ZC3HAV1: variants seen among roughly 807,000 people sequenced by gnomAD.
ZC3HAV1 encodes zinc finger CCCH-type containing, antiviral 1.
Under a neutral mutation model 86.6 loss-of-function variants are expected in ZC3HAV1, and 41 were observed. That is an observed-to-expected ratio of 0.47 (90% CI 0.37 to 0.61). The LOEUF (loss-of-function observed/expected upper bound fraction) is 0.61. ZC3HAV1 is among the 20% of genes least tolerant of loss of function. ZC3HAV1 has a pLI of 0.00. For synonymous variants in ZC3HAV1, 421 were observed against 432.1 expected (o/e 0.97, Z 0.32); for missense variants, 964 against 1,141.1 (o/e 0.84, Z 2.24).
At position 139,047,387 on chromosome 7, in the gene ZC3HAV1, C is replaced by T; in HGVS notation, c.*207G>A. On this transcript the variant is annotated 3_prime_UTR_variant, in exon 13 of 13. Coordinates refer to ENST00000242351, the MANE Select transcript of ZC3HAV1 (RefSeq NM_020119.4). Reference sequence around the variant, plus strand: ...TGGCGCTGACGCCCAGAAATGATTTCATTGGCATGGGGTGCAACCTGGGCA... The same window carrying T: ...TGGCGCTGACGCCCAGAAATGATTTTATTGGCATGGGGTGCAACCTGGGCA... The T allele has an allele frequency of 1.9e-6, 1 of 532,314 alleles. No individual in the cohort carries two copies. Among genetic ancestry groups the T allele is most frequent in the Non-Finnish European group, 3.2e-6 (1 of 313,208 alleles). 33.0% of individuals were successfully genotyped at this position (532,314 alleles called of 1,614,324 possible).
chr7:139,079,596 T>C lies in ZC3HAV1; in HGVS notation c.1345A>G (p.Ser449Gly), dbSNP rs1817064404. 1 of 1,614,078 alleles carries C rather than the reference T, an allele frequency of 6.2e-7. No homozygotes were observed. Among genetic ancestry groups the C allele is most frequent in the Non-Finnish European group, 8.5e-7 (1 of 1,180,054 alleles). ...ATTTCTCTGTGACCGCTGCTAGTGCTTTTGTAATTTAAGGATCTGGTAGAA... is the reference window on the plus strand; with the variant it reads ...ATTTCTCTGTGACCGCTGCTAGTGCCTTTGTAATTTAAGGATCTGGTAGAA... ...ITSTRSLNYK[S>G]TSSGHREISS... is the part of the protein sequence containing the mutation. Residue 449 changes from serine (S) to glycine (G), a missense_variant, in exon 4 of 13, where the codon AGC (serine) becomes GGC (glycine). Coordinates refer to ENST00000242351, the MANE Select transcript of ZC3HAV1 (RefSeq NM_020119.4).
intron 12 of ZC3HAV1, among the ~76,000 whole-genome samples, chr7:139,052,331 C>T (rs1012568153): frequency 8.3e-5 from 11 of 132,382 alleles, no homozygotes; most frequent in African/African-American, 2.6e-4. Flanking sequence ...GCAGGCCAGG[C>T]GCAGTGGCTC....
intron 11 of ZC3HAV1, among the ~76,000 whole-genome samples, 186 bp from the exon 12 acceptor site, chr7:139,053,767 A>G (rs1370136906): frequency 2.6e-5 from 4 of 151,768 alleles, no homozygotes; most frequent in Admixed American, 2.0e-4. Flanking sequence ...AGATAGACAC[A>G]TGAAATCATT....
chr7:139,057,902 C>T (rs1242817609), intron 9 of ZC3HAV1, among the ~76,000 whole-genome samples: 2 of 152,146 alleles, frequency 1.3e-5, no homozygotes, highest in Non-Finnish European at 1.5e-5. Context: ...GAAGGTGACT[C>T]ATTAGAATGA....
chr7:139,092,259 C>A (rs1157951259), intron 1 of ZC3HAV1, among the ~76,000 whole-genome samples: 1 of 152,156 alleles, frequency 6.6e-6, no homozygotes, highest in Non-Finnish European at 1.5e-5. Flanking sequence ...AGTCAGCTTG[C>A]ACAAGTTAAG....
intron 1 of ZC3HAV1, among the ~76,000 whole-genome samples, chr7:139,106,142 AT>A (rs148990997): frequency 0.022 from 3,375 of 152,280 alleles, 124 homozygotes; most frequent in African/African-American, 0.077. Context: ...CCTATATTAT[AT>A]ATATTCTTAT....
intron 1 of ZC3HAV1, among the ~76,000 whole-genome samples, chr7:139,097,572 T>A (rs1242498360): frequency 6.7e-6 from 1 of 150,244 alleles, no homozygotes; most frequent in Non-Finnish European, 1.5e-5. Context: ...GTAGCTGGGA[T>A]TACAGGTGCC....
At chr7:139,069,063 G>A (rs987410252) in intron 7 of ZC3HAV1, among the ~76,000 whole-genome samples, 3 of 152,122 alleles carry the variant, frequency 2.0e-5, no homozygotes. Context: ...AGTCCTTTTT[G>A]TGGTATCTGA....
Position 139,078,611 on chromosome 7 carries a change from T to C in ZC3HAV1, c.1514A>G (p.Asp505Gly), listed in dbSNP as rs758162800. 91 of 1,591,208 alleles carry C rather than the reference T, an allele frequency of 5.7e-5. No homozygotes were observed. Among genetic ancestry groups the C allele is most frequent in the Non-Finnish European group, 7.6e-5 (89 of 1,174,144 alleles). ...ACAAATTTCCTCTGAGTCATGATCA[T>C]CCACCCTAGAAGATGTGGTACTTGT... ...DVTSTTSSRV[D>G]DHDSEEICLD... Residue 505 changes from aspartate to glycine, a missense_variant, in exon 5 of 13, where the codon GAT becomes GGT. Physicochemically the swap from Asp to Gly is moderately conservative, Grantham distance 94. Coordinates refer to ENST00000242351, the MANE Select transcript of ZC3HAV1 (RefSeq NM_020119.4).
intron 9 of ZC3HAV1, among the ~76,000 whole-genome samples, chr7:139,059,374 T>C (rs996562942): frequency 2.0e-5 from 3 of 152,148 alleles, no homozygotes; most frequent in African/African-American, 4.8e-5. Flanking sequence ...CCCAGCACTT[T>C]GGGAGGCTGA....
intron 1 of ZC3HAV1, among the ~76,000 whole-genome samples, chr7:139,095,787 G>C (rs1817568321): frequency 6.6e-6 from 1 of 152,106 alleles, no homozygotes; most frequent in Non-Finnish European, 1.5e-5. Context: ...CAAGCTTGTT[G>C]CCCATTAAAA....
At chr7:139,063,241 A>G (rs183216236) in intron 8 of ZC3HAV1, among the ~76,000 whole-genome samples, 1 of 101,442 alleles carries the variant, frequency 9.9e-6, no homozygotes, top group Admixed American at 1.1e-4. Flanking sequence ...ACAATACAAT[A>G]CCACCTAAGA....
intron 8 of ZC3HAV1, among the ~76,000 whole-genome samples, chr7:139,063,134 T>A (rs972263138): frequency 6.6e-6 from 1 of 151,550 alleles, no homozygotes; most frequent in African/African-American, 2.4e-5. Context: ...CTGGTTTCTA[T>A]GAACCAAACA....
chr7:139,078,315 C>T (rs914074546), intron 5 of ZC3HAV1, among the ~76,000 whole-genome samples: 5 of 152,132 alleles, frequency 3.3e-5, no homozygotes, highest in East Asian at 1.9e-4. Flanking sequence ...GAAATTTGAA[C>T]GCTTGTGCAT....
In ZC3HAV1 at chr7:139,079,948, T is replaced by C. The variant is rs1340330320; in HGVS notation, c.993A>G (p.Leu331=). ...AGAGGTCCTCTTGACTGCCGTTCTC[T>C]AAAAACCTCTGGCTTGTCCCGGCCT... ...TSQAGTSQRF[L]ENGSQEDLLH... The change falls in exon 4 of 13, where the codon TTA becomes TTG. Residue 331 remains leucine (L), a synonymous_variant. Transcript: ENST00000242351. 1 of 1,614,198 alleles carries C rather than the reference T, an allele frequency of 6.2e-7. No homozygotes were observed. Among genetic ancestry groups the C allele is most frequent in the Non-Finnish European group, 8.5e-7 (1 of 1,180,036 alleles).
intron 1 of ZC3HAV1, among the ~76,000 whole-genome samples, chr7:139,093,627 T>TGCCCGG (rs1817494521): frequency 6.6e-6 from 1 of 152,198 alleles, no homozygotes; most frequent in African/African-American, 2.4e-5. Flanking sequence ...CCCCGGCCCC[T>TGCCCGG]GCCCGCCAGA....
chr7:139,059,564 C>A (rs549817653), intron 9 of ZC3HAV1, among the ~76,000 whole-genome samples: 11 of 151,720 alleles, frequency 7.3e-5, no homozygotes, highest in South Asian at 4.2e-4. Flanking sequence ...TTGCAGTGAG[C>A]CGAAATTGTG....
At position 139,043,987 on chromosome 7, in the gene ZC3HAV1, G is replaced by C. The variant is rs1490849632; in HGVS notation, c.*3607C>G. On this transcript the variant is annotated 3_prime_UTR_variant, in exon 13 of 13. Transcript: ENST00000242351. The stretch of plus-strand genomic sequence containing the variant: ...AACTGGGGACTACTCCCAGCACTGA[G>C]TGGATGCAGCCAGGGAGAACGATGT... 6.6e-6 allele frequency: 1 copy of C among 152,216 alleles called. No individual in the cohort carries two copies. The highest frequency in any genetic ancestry group is 1.5e-5 in the Non-Finnish European group (1 of 68,052). The allele number at this position is 152,216 out of a possible 1,614,324, so 9.4% of individuals were successfully genotyped here.
intron 5 of ZC3HAV1, 94 bp from the exon 6 acceptor site, chr7:139,076,503 C>T: frequency 6.6e-7 from 1 of 1,503,808 alleles, no homozygotes; most frequent in Non-Finnish European, 9.0e-7. Context: ...TCCATGCCTG[C>T]CCTGCCCCCT....
Sources: allele counts gnomAD v4.1 joint callset (sites outside exome capture counted in the v4.1 genomes callset), GRCh38; gene constraint gnomAD v4.1.1; transcripts MANE v1.5; gene names NCBI Gene and HGNC (gene_info 2026-07-23, HGNC 2026-07-21).